Variants in CTNNBL1 observed in about 807,000 individuals in gnomAD.
CTNNBL1 encodes catenin beta like 1.
A neutral mutation model predicts 72.7 loss-of-function variants in CTNNBL1; 31 were observed. The observed-to-expected ratio is 0.43, with a 90% CI of 0.32 to 0.58. The LOEUF is 0.58. CTNNBL1 is among the 20% of genes least tolerant of loss of function. The pLI is 0.08. For missense variants in CTNNBL1, 534 were observed against 725.1 expected (o/e 0.74, Z 3.03); for synonymous variants, 240 against 267.3 (o/e 0.90, Z 1.00).
Position 37,746,556 on chromosome 20 carries a change from G to T in CTNNBL1, c.415G>T (p.Glu139Ter). 1.9e-6 allele frequency: 3 copies of T among 1,614,124 alleles called. No individual in the cohort carries two copies. The highest frequency in any genetic ancestry group is 2.5e-6 in the Non-Finnish European group (3 of 1,180,008). The part of the protein sequence containing the change: ...TMPDLYHLLV[E>*]LNAVQSLLGL... Reference sequence around the variant, plus strand: ...GCCAGACCTGTACCACCTTCTGGTGGAGCTGAATGCTGTACAGTCGCTTCT... The same window carrying T: ...GCCAGACCTGTACCACCTTCTGGTGTAGCTGAATGCTGTACAGTCGCTTCT... The change falls in exon 4 of 16, where the codon GAG becomes TAG. Residue 139 changes from glutamate (E) to a stop codon, truncating the protein, a stop_gained. Coordinates refer to ENST00000361383, the MANE Select transcript of CTNNBL1 (RefSeq NM_030877.5). LOFTEE classifies it high-confidence loss of function.
chr20:37,825,806 C>G (rs1298726533), intron 11 of CTNNBL1, among the ~76,000 whole-genome samples: 1 of 152,180 alleles, frequency 6.6e-6, no homozygotes, highest in Non-Finnish European at 1.5e-5. Context: ...TTCCTCAAGT[C>G]GCTGGTGCCC....
intron 4 of CTNNBL1, chr20:37,750,361 A>G (rs2122632266): frequency 6.6e-6 from 1 of 152,250 alleles, no homozygotes; most frequent in African/African-American, 2.4e-5. Context: ...GGGTTACTCT[A>G]AATGCAGTCG....
In CTNNBL1 at chr20:37,704,563, T is replaced by C. The variant is rs1368265177; in HGVS notation, c.30+10411T>C. Among the ~76,000 whole-genome samples, 4 of 152,048 alleles carry C rather than the reference T, an allele frequency of 2.6e-5. No individual in the cohort carries two copies. In the East Asian group the frequency reaches 7.7e-4, roughly 29 times the overall value. On this transcript the variant is annotated intron_variant, in intron 1 of 15. Coordinates refer to ENST00000361383, the MANE Select transcript of CTNNBL1 (RefSeq NM_030877.5). Reference sequence around the variant, plus strand: ...GACATCGTCTCAAAAAAAAAAAAATTTGCTGGGTTTGGAGGTGCGCGCTTA... The same window carrying C: ...GACATCGTCTCAAAAAAAAAAAAATCTGCTGGGTTTGGAGGTGCGCGCTTA...
intron 1 of CTNNBL1, among the ~76,000 whole-genome samples, chr20:37,697,225 T>C (rs189545591): frequency 6.4e-4 from 97 of 152,218 alleles, no homozygotes; most frequent in African/African-American, 2.2e-3. Context: ...TTAGGTGTTT[T>C]GTTTGTGGCT....
intron 10 of CTNNBL1, among the ~76,000 whole-genome samples, chr20:37,792,419 C>G (rs2073732863): frequency 6.6e-6 from 1 of 152,150 alleles, no homozygotes; most frequent in African/African-American, 2.4e-5. Context: ...AAAGATCCTC[C>G]TGCCTCAGCC....
chr20:37,831,052 C>T (rs1265785054), intron 11 of CTNNBL1, among the ~76,000 whole-genome samples: 2 of 152,202 alleles, frequency 1.3e-5, no homozygotes, highest in African/African-American at 4.8e-5. Context: ...TAAGTGTGCC[C>T]ATAGAACCCC....
intron 11 of CTNNBL1, among the ~76,000 whole-genome samples, chr20:37,839,705 C>T (rs960306221): frequency 6.6e-6 from 1 of 152,138 alleles, no homozygotes; most frequent in African/African-American, 2.4e-5. Context: ...TTTGAGAATT[C>T]GATACAGCAT....
intron 7 of CTNNBL1, among the ~76,000 whole-genome samples, chr20:37,775,147 C>T (rs888518186): frequency 6.6e-6 from 1 of 152,070 alleles, no homozygotes; most frequent in Non-Finnish European, 1.5e-5. Flanking sequence ...TATGTCCTTA[C>T]AATTTATTAG....
chr20:37,784,202 A>G (rs2073651658), intron 10 of CTNNBL1, among the ~76,000 whole-genome samples: 1 of 152,140 alleles, frequency 6.6e-6, no homozygotes, highest in South Asian at 2.1e-4. Context: ...TGCATAGAAT[A>G]TCTTTTTCCA....
At chr20:37,828,840 T>C (rs2072183487) in intron 11 of CTNNBL1, among the ~76,000 whole-genome samples, 1 of 152,206 alleles carries the variant, frequency 6.6e-6, no homozygotes, top group South Asian at 2.1e-4. Flanking sequence ...GCGTGACTCT[T>C]CTTGGGTTGC....
intron 11 of CTNNBL1, among the ~76,000 whole-genome samples, chr20:37,839,881 T>A (rs2072287183): frequency 6.6e-6 from 1 of 152,250 alleles, no homozygotes; most frequent in Non-Finnish European, 1.5e-5. Context: ...CTTACTCAAG[T>A]TGTCCTTGAG....
At chr20:37,823,217 T>A (rs1364459513) in intron 11 of CTNNBL1, among the ~76,000 whole-genome samples, 2 of 152,208 alleles carry the variant, frequency 1.3e-5, no homozygotes, top group African/African-American at 4.8e-5. Flanking sequence ...TCCAGTAGTC[T>A]CTGAGCATGA....
At chr20:37,818,922 T>C (rs1032930074) in intron 11 of CTNNBL1, among the ~76,000 whole-genome samples, 2 of 152,242 alleles carry the variant, frequency 1.3e-5, no homozygotes, top group African/African-American at 4.8e-5. Flanking sequence ...ATACTTTTCA[T>C]ATGTCAAGTT....
intron 1 of CTNNBL1, among the ~76,000 whole-genome samples, chr20:37,718,479 C>T (rs2073011682): frequency 7.1e-6 from 1 of 140,788 alleles, no homozygotes; most frequent in African/African-American, 2.7e-5. Context: ...CCCCACCTCC[C>T]TCCCAGACGG....
At chr20:37,711,919 A>T (rs1179844298) in intron 1 of CTNNBL1, among the ~76,000 whole-genome samples, 1 of 152,090 alleles carries the variant, frequency 6.6e-6, no homozygotes, top group Admixed American at 6.5e-5. Context: ...ACATTTTTTA[A>T]CTTTATTCCT....
intron 3 of CTNNBL1, among the ~76,000 whole-genome samples, chr20:37,741,461 G>A (rs979511001): frequency 6.6e-5 from 10 of 152,210 alleles, no homozygotes; most frequent in Non-Finnish European, 1.3e-4. Context: ...TCAGGGTCTA[G>A]CAATAAGTTA....
At chr20:37,724,908 CTT>C (rs748038781) in intron 1 of CTNNBL1, among the ~76,000 whole-genome samples, 22 of 122,358 alleles carry the variant, frequency 1.8e-4, no homozygotes, top group Admixed American at 1.7e-4. Context: ...TCCTGTCAAT[CTT>C]TTTTTTTTTT....
At chr20:37,745,678 A>G (rs1481810282) in intron 3 of CTNNBL1, among the ~76,000 whole-genome samples, 1 of 152,200 alleles carries the variant, frequency 6.6e-6, no homozygotes, top group East Asian at 1.9e-4. Flanking sequence ...GCTTCCTCTC[A>G]GTCACTCTCA....
At chr20:37,696,098 T>G (rs139883898) in intron 1 of CTNNBL1, among the ~76,000 whole-genome samples, 1 of 152,366 alleles carries the variant, frequency 6.6e-6, no homozygotes, top group Non-Finnish European at 1.5e-5. Flanking sequence ...AGAGTTTCAT[T>G]CATTTGCTCA....
Sources: allele counts gnomAD v4.1 joint callset (sites outside exome capture counted in the v4.1 genomes callset), GRCh38; gene constraint gnomAD v4.1.1; transcripts MANE v1.5; gene names NCBI Gene and HGNC (gene_info 2026-07-23, HGNC 2026-07-21).